The following TASOR2 variants were observed in gnomAD, a reference collection of about 807,000 sequenced individuals.
TASOR2 encodes the protein protein TASOR 2.
In TASOR2, 84 loss-of-function variants were observed where a neutral mutation model predicts 199.5. The observed-to-expected ratio is 0.42, with a 90% confidence interval of 0.35 to 0.50. The LOEUF (loss-of-function observed/expected upper bound fraction) is 0.50. Ranked by LOEUF, TASOR2 falls within the 20% of genes least tolerant of loss-of-function variation. The probability of loss-of-function intolerance (pLI) is 0.02; values close to 1 mark genes in which losing one functional copy is unlikely to be tolerated. For missense variants in TASOR2, 2,796 were observed against 2,835.9 expected (o/e 0.99, Z 0.32); for synonymous variants, 1,103 against 1,046.6 (o/e 1.05, Z -1.04).
At position 5,738,833 on chromosome 10, in the gene TASOR2, GT is replaced by G. The variant is rs1280770591; in HGVS notation, c.1448-783del. On this transcript the variant is annotated intron_variant, in intron 12 of 20. Transcript: ENST00000328090. The surrounding 1 kb of genome is among the most constrained non-coding windows in gnomAD (Gnocchi z 4.7). ...GCATTTAGGAAGGAATAATGAATAC[GT>G]TGAAAATACCAAGGGAAACCACTGG... is the stretch of plus-strand genomic sequence containing the variant. 6.6e-6 allele frequency among the ~76,000 whole-genome samples: 1 copy of G among 152,128 alleles called. No individual in the cohort carries two copies. Among genetic ancestry groups the G allele is most frequent in the East Asian group, 1.9e-4 (1 of 5,196 alleles).
chr10:5,734,019 C>T (rs183715565), intron 11 of TASOR2, among the ~76,000 whole-genome samples: 1 of 152,224 alleles, frequency 6.6e-6, no homozygotes, highest in African/African-American at 2.4e-5. Context: ...CCTTTTTTCT[C>T]CTACATTTCA....
Position 5,751,933 on chromosome 10 carries a change from C to G in TASOR2, c.6606+1906C>G, listed in dbSNP as rs556358920. Among the ~76,000 whole-genome samples, 1 of 152,228 alleles carries G rather than the reference C, an allele frequency of 6.6e-6. No homozygotes were observed. Among genetic ancestry groups the G allele is most frequent in the Admixed American group, 6.5e-5 (1 of 15,298 alleles). On this transcript the variant is annotated intron_variant, in intron 15 of 20. Coordinates refer to ENST00000328090, the Ensembl canonical transcript of TASOR2. The surrounding 1 kb of genome is among the most constrained non-coding windows in gnomAD (Gnocchi z 5.3). ...CCTCCTTCTCCATGTGTGGAGCTCC[C>G]TTCTCTGAGGTTGACTCTGTTTATC...
intron 1 of TASOR2, among the ~76,000 whole-genome samples, chr10:5,707,451 C>G (rs1838777957): frequency 6.6e-6 from 1 of 152,100 alleles, no homozygotes; most frequent in Non-Finnish European, 1.5e-5. Flanking sequence ...GCAAGGAGAT[C>G]CAGGCAACAC....
At chr10:5,747,986 G>A (rs1211475225) in exon 15 of TASOR2, 2 of 1,610,734 alleles carry the variant, frequency 1.2e-6, no homozygotes, top group Admixed American at 3.3e-5. Flanking sequence ...CAGTGCTATG[G>A]TAGGGAGTTA....
chr10:5,709,965 C>T (rs923347124), intron 1 of TASOR2, among the ~76,000 whole-genome samples: 1 of 152,132 alleles, frequency 6.6e-6, no homozygotes, highest in Non-Finnish European at 1.5e-5. Context: ...AAGCACTTTT[C>T]AAGTTTTACC....
Position 5,720,763 on chromosome 10 carries a change from G to A in TASOR2, c.35G>A (p.Arg12His), listed in dbSNP as rs755144615. 13 of 1,611,462 alleles carry A rather than the reference G, an allele frequency of 8.1e-6. No homozygotes were observed. Among genetic ancestry groups the A allele is most frequent in the Admixed American group, 3.3e-5 (2 of 59,766 alleles). Residue 12 changes from arginine (R) to histidine (H), a missense_variant, in exon 5 of 21, where the codon CGC (arginine) becomes CAC (histidine). Coordinates refer to ENST00000328090, the Ensembl canonical transcript of TASOR2. This position sits in a 1 kb window ranked among gnomAD's most constrained non-coding sequence, Gnocchi z 5.3. ...CTTTCTTTTTCTGCTAGACTTGAAC[G>A]CAGTGAAAATGGTAAGAAATAGTTC... is the stretch of plus-strand genomic sequence containing the variant.
intron 14 of TASOR2, among the ~76,000 whole-genome samples, 197 bp from the exon 16 acceptor site, chr10:5,745,982 G>T (rs1837136385): frequency 6.6e-6 from 1 of 152,026 alleles, no homozygotes; most frequent in Admixed American, 6.5e-5. Context: ...TCCCACTGGG[G>T]GGTATTTTAA....
intron 10 of TASOR2, among the ~76,000 whole-genome samples, chr10:5,729,207 G>T (rs552705700): frequency 6.6e-6 from 1 of 152,098 alleles, no homozygotes; most frequent in Non-Finnish European, 1.5e-5. Context: ...AAATTAGTTA[G>T]GTGTGGTGGC....
At chr10:5,721,124 A>G (rs998349506) in intron 6 of TASOR2, among the ~76,000 whole-genome samples, 154 bp downstream of exon 7, 4 of 152,200 alleles carry the variant, frequency 2.6e-5, no homozygotes, top group Admixed American at 2.6e-4. Context: ...TATAGCACAC[A>G]GGGTATGACA....
chr10:5,702,831 G>A (rs764243222), intron 1 of TASOR2, among the ~76,000 whole-genome samples: 4 of 151,926 alleles, frequency 2.6e-5, no homozygotes, highest in African/African-American at 4.8e-5. Context: ...CATGCTCCAG[G>A]GAAAACTGGC....
chr10:5,746,882 A>G, exon 15 of TASOR2: 1 of 1,614,226 alleles, frequency 6.2e-7, no homozygotes, highest in Non-Finnish European at 8.5e-7. Context: ...CTACCATCTG[A>G]TAAAACAATG....
exon 13 of TASOR2, chr10:5,739,748 C>T (rs375225511): frequency 1.9e-5 from 30 of 1,614,068 alleles, no homozygotes; most frequent in South Asian, 6.6e-5. Context: ...AAAACTCCAT[C>T]GTCAACTATG....
In TASOR2 at chr10:5,748,179, T is replaced by G; in HGVS notation, c.4758T>G (p.Ser1586=). ...CTAGAAATGTTATTGAAAATAAGTC[T>G]TTGTCTGACACATTGGTTTCCACAA... is the stretch of plus-strand genomic sequence containing the variant. The change falls in exon 15 of 21, where the codon TCT becomes TCG. Residue 1586 remains serine (S), a synonymous_variant. Transcript: ENST00000328090. This position sits in a 1 kb window ranked among gnomAD's most constrained non-coding sequence, Gnocchi z 5.1. The G allele has an allele frequency of 6.2e-7, 1 of 1,614,248 alleles. No individual in the cohort carries two copies. Among genetic ancestry groups the G allele is most frequent in the Non-Finnish European group, 8.5e-7 (1 of 1,180,046 alleles).
At chr10:5,708,204 C>A (rs552124717) in intron 1 of TASOR2, among the ~76,000 whole-genome samples, 1 of 152,254 alleles carries the variant, frequency 6.6e-6, no homozygotes, top group Non-Finnish European at 1.5e-5. Flanking sequence ...TCTCTCCCTT[C>A]TTCCCTTAAT....
chr10:5,748,207 G>A lies in TASOR2; in HGVS notation c.4786G>A (p.Ala1596Thr), dbSNP rs760067475. 1 of 1,614,186 alleles carries A rather than the reference G, an allele frequency of 6.2e-7. No homozygotes were observed. Among genetic ancestry groups the A allele is most frequent in the Admixed American group, 1.7e-5 (1 of 60,022 alleles). Reference sequence around the variant, plus strand: ...GTCTGACACATTGGTTTCCACAACTGCACCAAGTGGTATAGTGAATGTGTC... The same window carrying A: ...GTCTGACACATTGGTTTCCACAACTACACCAAGTGGTATAGTGAATGTGTC... The change falls in exon 15 of 21, where the codon GCA becomes ACA. Residue 1596 changes from alanine to threonine, a missense_variant. Around this residue, in one of 3 missense-constraint regions of TASOR2, gnomAD observed 1,941 missense variants for 1,924.9 expected, o/e 1.01. Coordinates refer to ENST00000328090, the Ensembl canonical transcript of TASOR2. This position sits in a 1 kb window ranked among gnomAD's most constrained non-coding sequence, Gnocchi z 5.1.
intron 2 of TASOR2, among the ~76,000 whole-genome samples, chr10:5,716,121 A>G (rs1332312377): frequency 1.3e-5 from 2 of 152,242 alleles, no homozygotes; most frequent in Non-Finnish European, 2.9e-5. Context: ...TTGTGTATCA[A>G]AACAGAAAAA....
At chr10:5,724,378 G>T in intron 7 of TASOR2, 52 bp from the exon 9 acceptor site, 1 of 854,166 alleles carries the variant, frequency 1.2e-6, no homozygotes, top group Non-Finnish European at 1.8e-6. Flanking sequence ...TTGACTGTAA[G>T]TACATAATAG....
rs1836527869 is a variant in TASOR2, at chr10:5,742,159, T to C, written c.2390T>C (p.Val797Ala). Residue 797 changes from valine to alanine, a missense_variant, in exon 14 of 21, where the codon GTA becomes GCA. Transcript: ENST00000328090. The surrounding 1 kb of genome is among the most constrained non-coding windows in gnomAD (Gnocchi z 4.2). ...GTGAAGCTTTTACTTCATATGTGGG[T>C]AGCTCTGTTTTACAGCAATCAGAAC... The C allele has an allele frequency of 6.2e-7, 1 of 1,614,058 alleles. No homozygotes were observed. Among genetic ancestry groups the C allele is most frequent in the Non-Finnish European group, 8.5e-7 (1 of 1,180,028 alleles).
intron 2 of TASOR2, chr10:5,713,603 G>T (rs1832209060): frequency 6.6e-6 from 1 of 152,194 alleles, no homozygotes; most frequent in Non-Finnish European, 1.5e-5. Context: ...AATACCAGAA[G>T]AGTTTATCCC....
Sources: gnomAD v4.1 joint callset for allele counts (sites outside exome capture counted in the v4.1 genomes callset) on GRCh38, gnomAD v4.1.1 for gene constraint, gnomAD v4.1.1 regional missense constraint, Gnocchi (gnomAD v3.1) non-coding constraint, MANE v1.5 for transcripts, NCBI Gene and HGNC (gene_info 2026-07-23, HGNC 2026-07-21) for gene names.